Variants in CFAP58 observed in about 807,000 individuals in gnomAD.
CFAP58 encodes the protein cilia and flagella associated protein 58.
A neutral mutation model predicts 119.5 loss-of-function variants in CFAP58; 88 were observed. The observed-to-expected ratio is 0.74, with a 90% CI of 0.62 to 0.88. The LOEUF (loss-of-function observed/expected upper bound fraction) is 0.88, where lower values mean the gene tolerates loss of function less well. Among genes scored for constraint, CFAP58 ranks in the 40% least tolerant of loss-of-function variants. The pLI is 0.00. For synonymous variants in CFAP58, 365 were observed against 366.3 expected, an observed-to-expected ratio of 1.00 and a Z score of 0.04; for missense variants, 990 against 1,021.2, an observed-to-expected ratio of 0.97 and a Z score of 0.42.
intron 3 of CFAP58, among the ~76,000 whole-genome samples, chr10:104,364,120 G>A (rs1245977902): frequency 6.6e-6 from 1 of 152,150 alleles, no homozygotes; most frequent in Non-Finnish European, 1.5e-5. Flanking sequence ...TCATTTGGGA[G>A]AAACTAATCT....
chr10:104,362,556 C>T (rs2014684451), intron 3 of CFAP58, among the ~76,000 whole-genome samples: 1 of 152,138 alleles, frequency 6.6e-6, no homozygotes, highest in Non-Finnish European at 1.5e-5. Flanking sequence ...AGATTCTAGG[C>T]CAGAAAACAG....
At chr10:104,407,673 C>A (rs1282455160) in intron 15 of CFAP58, among the ~76,000 whole-genome samples, 2 of 152,104 alleles carry the variant, frequency 1.3e-5, no homozygotes, top group Non-Finnish European at 2.9e-5. Context: ...ATTCATGTTA[C>A]TTTGGATTCC....
chr10:104,450,716 A>ATTT (rs3069012), intron 17 of CFAP58, among the ~76,000 whole-genome samples: 1,551 of 118,754 alleles, frequency 0.013, 40 homozygotes, highest in African/African-American at 0.043. Context: ...TTTATTTTTG[A>ATTT]TTTTTTTTTG....
the CFAP58 span, among the ~76,000 whole-genome samples, chr10:104,340,108 T>C: frequency 6.6e-6 from 1 of 152,232 alleles, no homozygotes; most frequent in East Asian, 1.9e-4. Flanking sequence ...TTTAACCTGA[T>C]GATTTCACCT....
rs1218961283 is a variant in CFAP58, at chr10:104,358,568, C to T, written c.237C>T (p.Ala79=). The T allele has an allele frequency of 2.0e-5, 32 of 1,613,998 alleles. No homozygotes were observed. Among genetic ancestry groups the T allele is most frequent in the Non-Finnish European group, 2.7e-5 (32 of 1,180,014 alleles). Residue 79 remains alanine (A), a synonymous_variant, in exon 2 of 18, where the codon GCC becomes GCT. Coordinates refer to ENST00000369704, the MANE Select transcript of CFAP58 (RefSeq NM_001008723.2). The stretch of plus-strand genomic sequence containing the variant: ...TTGTAGTGAATTCTGCGAAGGTCGC[C>T]ACTGCCCTTAAGCTCTCTCAGGATG... ...AEIVVNSAKV[A]TALKLSQDDQ...
intron 15 of CFAP58, among the ~76,000 whole-genome samples, chr10:104,441,006 T>G (rs1289455336): frequency 1.3e-5 from 2 of 152,192 alleles, no homozygotes; most frequent in African/African-American, 2.4e-5. Context: ...TTACTGATTA[T>G]TTTTTGGTGG....
rs544209783 is a variant in CFAP58 at position 104,357,906 on chromosome 10, T to C, written c.10-435T>C. On this transcript the variant is annotated intron_variant, in intron 1 of 17. Coordinates refer to ENST00000369704, the MANE Select transcript of CFAP58 (RefSeq NM_001008723.2). ...ACATATATAAACATATATGTACACA[T>C]ATACACACATATATGTACACATATA... Among the ~76,000 whole-genome samples the C allele has an allele frequency of 5.1e-3, 619 of 122,030 alleles. 35 individuals carry two copies. Among genetic ancestry groups the C allele is most frequent in the Non-Finnish European group, 6.3e-3 (382 of 60,348 alleles). 80.1% of individuals were successfully genotyped at this position (122,030 alleles called of 152,430 possible). A position where few individuals can be genotyped will look rare whatever the true frequency, so the allele number is the denominator to read the frequency against.
At chr10:104,436,652 C>T (rs1002288074) in intron 15 of CFAP58, among the ~76,000 whole-genome samples, 6 of 152,154 alleles carry the variant, frequency 3.9e-5, no homozygotes, top group Admixed American at 1.3e-4. Flanking sequence ...GAGGGATCCA[C>T]CACCAGGACC....
upstream of CFAP58, chr10:104,353,815 G>T: frequency 6.5e-7 from 1 of 1,527,528 alleles, no homozygotes. Flanking sequence ...AGCGCGTCGC[G>T]CCTTTAGCTT....
chr10:104,384,042 G>A (rs1458376630), intron 9 of CFAP58, among the ~76,000 whole-genome samples: 2 of 152,128 alleles, frequency 1.3e-5, no homozygotes, highest in African/African-American at 4.8e-5. Context: ...ATGAGAACTA[G>A]GAATCAGCCC....
rs199861407 is a variant in CFAP58 at position 104,358,084 on chromosome 10, TAC to T, written c.10-251_10-250del. Among the ~76,000 whole-genome samples, 325 of 138,924 alleles carry T rather than the reference TAC, an allele frequency of 2.3e-3. 5 individuals carry two copies. Among genetic ancestry groups the T allele is most frequent in the South Asian group, 0.021 (99 of 4,654 alleles). The allele number at this position is 138,924 out of a possible 152,430, so 91.1% of individuals were successfully genotyped here. A position where few individuals can be genotyped will look rare whatever the true frequency, so the allele number is the denominator to read the frequency against. On this transcript the variant is annotated intron_variant, in intron 1 of 17. Coordinates refer to ENST00000369704, the MANE Select transcript of CFAP58 (RefSeq NM_001008723.2). ...ATATATACACATATGTACATATATA[TAC>T]ACACATATATATGTACATATATACA...
upstream of CFAP58, among the ~76,000 whole-genome samples, chr10:104,350,378 TACA>T (rs1401231427): frequency 1.3e-5 from 2 of 152,216 alleles, no homozygotes; most frequent in African/African-American, 4.8e-5. Flanking sequence ...TTCTTGTTAT[TACA>T]ACAACACAGG....
At chr10:104,429,896 C>G (rs2012815240) in intron 15 of CFAP58, among the ~76,000 whole-genome samples, 1 of 151,550 alleles carries the variant, frequency 6.6e-6, no homozygotes, top group African/African-American at 2.4e-5. Context: ...CACAGCCTCT[C>G]CTCTTTTGCC....
intron 17 of CFAP58, among the ~76,000 whole-genome samples, chr10:104,451,914 T>G (rs975756746): frequency 7.9e-5 from 12 of 151,266 alleles, no homozygotes; most frequent in African/African-American, 2.9e-4. Flanking sequence ...TTTTTTTGTA[T>G]TTTTAGTAGA....
chr10:104,392,014 T>A (rs1326618539), intron 9 of CFAP58, among the ~76,000 whole-genome samples: 5 of 152,222 alleles, frequency 3.3e-5, no homozygotes, highest in Non-Finnish European at 7.3e-5. Context: ...GTGTTAAGCT[T>A]TATACTTGAG....
chr10:104,396,255 C>T (rs1209736603), intron 11 of CFAP58, among the ~76,000 whole-genome samples: 1 of 151,974 alleles, frequency 6.6e-6, no homozygotes, highest in Non-Finnish European at 1.5e-5. Flanking sequence ...AATAATTCAG[C>T]AGCAAATTCT....
rs377035623 is a variant in CFAP58, at chr10:104,447,430, C to T, written c.2257-268C>T. 6.2e-4 allele frequency among the ~76,000 whole-genome samples: 94 copies of T among 152,308 alleles called. 2 individuals are homozygous for T. The South Asian group carries it at 0.018, about 30-fold the overall frequency. On this transcript the variant is annotated intron_variant, in intron 15 of 17. Coordinates refer to ENST00000369704, the MANE Select transcript of CFAP58 (RefSeq NM_001008723.2). ...AAGATCTTGTATCCTGCCCTTGTCT[C>T]CCAGTCCTTGTGATCTTATGTTCAG... is the stretch of plus-strand genomic sequence containing the variant.
At chr10:104,375,136 A>G (rs2014874961) in intron 7 of CFAP58, among the ~76,000 whole-genome samples, 1 of 151,234 alleles carries the variant, frequency 6.6e-6, no homozygotes, top group African/African-American at 2.4e-5. Flanking sequence ...TTAAAAGTAA[A>G]AATTTTCTGT....
At chr10:104,360,669 T>C (rs1182543667) in intron 2 of CFAP58, among the ~76,000 whole-genome samples, 1 of 152,168 alleles carries the variant, frequency 6.6e-6, no homozygotes, top group East Asian at 1.9e-4. Context: ...GTGTGTGTTA[T>C]TCCCCTCTAT....
Sources: gnomAD v4.1 joint callset for allele counts (sites outside exome capture counted in the v4.1 genomes callset) on GRCh38, gnomAD v4.1.1 for gene constraint, MANE v1.5 for transcripts, NCBI Gene and HGNC (gene_info 2026-07-23, HGNC 2026-07-21) for gene names.